Variants in AFDN observed in about 807,000 individuals in gnomAD.
AFDN encodes the protein afadin.
In AFDN, 68 loss-of-function variants were observed where a neutral mutation model predicts 216.6. The observed-to-expected ratio is 0.31, with a 90% CI of 0.26 to 0.38. The LOEUF (loss-of-function observed/expected upper bound fraction) is 0.38, where lower values mean the gene tolerates loss of function less well. Among genes scored for constraint, AFDN ranks in the 10% least tolerant of loss-of-function variants. AFDN has a pLI of 1.00. For synonymous variants in AFDN, 868 were observed against 853.7 expected, an observed-to-expected ratio of 1.02 and a Z score of -0.29; for missense variants, 2,136 against 2,342.0, an observed-to-expected ratio of 0.91 and a Z score of 1.82.
intron 2 of AFDN, among the ~76,000 whole-genome samples, chr6:167,869,231 T>G (rs2128242877): frequency 6.6e-6 from 1 of 152,102 alleles, no homozygotes; most frequent in Non-Finnish European, 1.5e-5. Flanking sequence ...AGTCAGTGAT[T>G]TTATTTTATG....
At chr6:167,889,375 A>G in intron 7 of AFDN, 49 bp downstream of exon 7, 1 of 1,271,222 alleles carries the variant, frequency 7.9e-7, no homozygotes, top group Non-Finnish European at 1.1e-6. Flanking sequence ...TATGTGATAT[A>G]CCAGGTGTTC....
At chr6:167,918,460 T>C (rs1468394074) in intron 20 of AFDN, among the ~76,000 whole-genome samples, 1 of 151,024 alleles carries the variant, frequency 6.6e-6, no homozygotes, top group Non-Finnish European at 1.5e-5. Flanking sequence ...AACAATTTCT[T>C]TTTATTTAAA....
chr6:167,868,263 A>C (rs1320175970), intron 2 of AFDN, among the ~76,000 whole-genome samples: 1 of 152,154 alleles, frequency 6.6e-6, no homozygotes, highest in Non-Finnish European at 1.5e-5. Context: ...ACTGGGATCA[A>C]AGCTGAATGT....
At position 167,962,445 on chromosome 6, in the gene AFDN, G is replaced by A; in HGVS notation, c.4846G>A (p.Glu1616Lys). ...AERRARLQDE[E>K]RRRQQQLEEM... is the part of the protein sequence containing the mutation. ...AGCCTGTTGTTAGTTGCAGGACGAG[G>A]AGCGGAGGCGGCAGCAGCAGTTAGA... Residue 1616 changes from glutamate to lysine, a missense_variant, in exon 31 of 34, where the codon GAG becomes AAG. Transcript: ENST00000683244. The surrounding 1 kb of genome is among the most constrained non-coding windows in gnomAD (Gnocchi z 5.2). 6.2e-7 allele frequency: 1 copy of A among 1,613,748 alleles called. No homozygotes were observed. Among genetic ancestry groups the A allele is most frequent in the Middle Eastern group, 1.7e-4 (1 of 5,982 alleles).
chr6:167,955,608 C>A (rs566803824), intron 30 of AFDN, among the ~76,000 whole-genome samples: 109 of 152,224 alleles, frequency 7.2e-4, no homozygotes, highest in Non-Finnish European at 1.2e-3. Context: ...AGCTCTCAGG[C>A]CCAAAGAGAG....
In AFDN at chr6:167,957,885, A is replaced by G. The variant is rs1036062667; in HGVS notation, c.4834-4548A>G. ...CTGCATATATTCCTCTCATTTCCTCATGACAAAGCTATTCTATGGCAGAGC... is the reference window on the plus strand; with the variant it reads ...CTGCATATATTCCTCTCATTTCCTCGTGACAAAGCTATTCTATGGCAGAGC... On this transcript the variant is annotated intron_variant, in intron 30 of 33. Transcript: ENST00000683244. 2.6e-5 allele frequency among the ~76,000 whole-genome samples: 4 copies of G among 152,138 alleles called. No homozygotes were observed. In the East Asian group the frequency reaches 7.7e-4, roughly 29 times the overall value.
At chr6:167,862,553 T>A (rs1202353332) in intron 1 of AFDN, among the ~76,000 whole-genome samples, 2 of 152,086 alleles carry the variant, frequency 1.3e-5, no homozygotes, top group Non-Finnish European at 2.9e-5. Flanking sequence ...TTTTTGTATT[T>A]TTGTAGAGAC....
chr6:167,873,394 G>A (rs369249849), intron 4 of AFDN, among the ~76,000 whole-genome samples: 33 of 152,196 alleles, frequency 2.2e-4, no homozygotes, highest in Admixed American at 5.2e-4. Flanking sequence ...ATTTTTAAAC[G>A]ATTATACAGT....
intron 2 of AFDN, 130 bp downstream of exon 2, chr6:167,864,876 G>A (rs770752515): frequency 2.1e-6 from 2 of 972,090 alleles, no homozygotes; most frequent in South Asian, 1.3e-5. Context: ...GTGGGTAGGA[G>A]AGTAGCTGGC....
At position 167,941,827 on chromosome 6, in the gene AFDN, C is replaced by T. The variant is rs534973310; in HGVS notation, c.3100-1302C>T. Among the ~76,000 whole-genome samples the T allele has an allele frequency of 4.0e-5, 6 of 151,892 alleles. 1 individual carries two copies. Among genetic ancestry groups the T allele is most frequent in the African/African-American group, 1.5e-4 (6 of 41,336 alleles). ...TGTGTGGACAGACACAGAGGGATGA[C>T]GAGGTGAACAGATGGAAAATTCAGA... is the stretch of plus-strand genomic sequence containing the variant. On this transcript the variant is annotated intron_variant, in intron 23 of 33. Coordinates refer to ENST00000683244, the MANE Select transcript of AFDN (RefSeq NM_001386888.1).
intron 12 of AFDN, 81 bp from the exon 13 acceptor site, chr6:167,907,090 G>A (rs1278128799): frequency 2.3e-5 from 24 of 1,022,954 alleles, no homozygotes; most frequent in South Asian, 2.1e-4. Flanking sequence ...CCCTGTATCA[G>A]ATCTCTGCTT....
chr6:167,839,361 T>C (rs1364786740), intron 1 of AFDN, among the ~76,000 whole-genome samples: 1 of 152,202 alleles, frequency 6.6e-6, no homozygotes, highest in Non-Finnish European at 1.5e-5. Flanking sequence ...TGTTTACTTT[T>C]TTTTTTTCCA....
intron 6 of AFDN, among the ~76,000 whole-genome samples, chr6:167,884,252 C>T (rs1786504852): frequency 6.6e-6 from 1 of 152,156 alleles, no homozygotes; most frequent in Non-Finnish European, 1.5e-5. Context: ...TCCAAATCAT[C>T]CATAGGGTTT....
intron 21 of AFDN, among the ~76,000 whole-genome samples, chr6:167,920,902 A>G (rs1329760017): frequency 1.3e-5 from 2 of 152,152 alleles, no homozygotes; most frequent in African/African-American, 4.8e-5. Context: ...CCCACACTTA[A>G]CATGTCTTCC....
At chr6:167,946,986 T>C in intron 27 of AFDN, 85 bp downstream of exon 27, 2 of 1,202,470 alleles carry the variant, frequency 1.7e-6, no homozygotes, top group South Asian at 2.7e-5. Context: ...TTGTTAATTA[T>C]TAAAATTATT....
rs141332573 is a variant in AFDN, at chr6:167,882,575, C to T, written c.897+2058C>T. On this transcript the variant is annotated intron_variant, in intron 6 of 33. Transcript: ENST00000683244. ...TTGAGGCAGGACAATTACTTGAACC[C>T]GGGAGGTTGCAGTGAGCCTTGATCT... Among the ~76,000 whole-genome samples the T allele has an allele frequency of 2.7e-3, 416 of 152,050 alleles. 4 individuals carry two copies. The highest frequency in any genetic ancestry group is 9.2e-3 in the African/African-American group (380 of 41,472).
At chr6:167,899,841 CAT>C (rs1259336534) in intron 11 of AFDN, among the ~76,000 whole-genome samples, 3 of 152,228 alleles carry the variant, frequency 2.0e-5, no homozygotes, top group Non-Finnish European at 4.4e-5. Flanking sequence ...TTTCTTGTGA[CAT>C]GTGTTACTCC....
chr6:167,918,645 G>T (rs971705590), intron 20 of AFDN, 90 bp from the exon 21 acceptor site: 9 of 1,118,056 alleles, frequency 8.0e-6, no homozygotes, highest in South Asian at 3.9e-5. Flanking sequence ...AAGCTGTGCT[G>T]CAGTGAGCAG....
chr6:167,943,807 G>A, intron 25 of AFDN, 134 bp from the exon 26 acceptor site: 1 of 775,330 alleles, frequency 1.3e-6, no homozygotes, highest in Non-Finnish European at 2.1e-6. Flanking sequence ...AAGCTGTCTG[G>A]AAGTCAGAAC....
Sources: allele counts gnomAD v4.1 joint callset (sites outside exome capture counted in the v4.1 genomes callset), GRCh38; gene constraint gnomAD v4.1.1; non-coding constraint Gnocchi (gnomAD v3.1); transcripts MANE v1.5; gene names NCBI Gene and HGNC (gene_info 2026-07-23, HGNC 2026-07-21).